The following IRAK3 variants were observed in gnomAD, a reference collection of about 807,000 sequenced individuals.
The protein encoded by IRAK3 is interleukin 1 receptor associated kinase 3.
Under a neutral mutation model 56.6 loss-of-function variants are expected in IRAK3, and 57 were observed. The ratio of observed to expected loss-of-function variants is 1.01; its 90% CI spans 0.81 to 1.26. IRAK3 has a LOEUF of 1.26. IRAK3 is among the 50% of genes most tolerant of loss of function. The probability of loss-of-function intolerance (pLI) is 0.00; values close to 1 mark genes in which losing one functional copy is unlikely to be tolerated. For synonymous variants in IRAK3, 258 were observed against 255.7 expected (o/e 1.01, Z -0.09); for missense variants, 703 against 719.0 (o/e 0.98, Z 0.25).
rs2052668454 is a variant in IRAK3 at position 66,215,790 on chromosome 12, A to AGGTGCGCGCGCGCG, written c.589-1381_589-1380insGGTGCGCGCGCGCG. ...CCCCCTATTTTAACCCAACATGCAC[A>AGGTGCGCGCGCGCG]CACACACACACACACACACACACAC... On this transcript the variant is annotated intron_variant, in intron 5 of 11. Coordinates refer to ENST00000261233, the MANE Select transcript of IRAK3 (RefSeq NM_007199.3). 6.3e-4 allele frequency among the ~76,000 whole-genome samples: 65 copies of AGGTGCGCGCGCGCG among 103,152 alleles called. 1 individual carries two copies. The highest frequency in any genetic ancestry group is 1.9e-3 in the African/African-American group (62 of 32,648). The allele number at this position is 103,152 out of a possible 152,430, so 67.7% of individuals were successfully genotyped here. A position where few individuals can be genotyped will look rare whatever the true frequency, so the allele number is the denominator to read the frequency against.
intron 6 of IRAK3, among the ~76,000 whole-genome samples, chr12:66,221,742 G>T (rs937324165): frequency 3.3e-5 from 5 of 152,096 alleles, no homozygotes; most frequent in African/African-American, 1.2e-4. Flanking sequence ...TTAATGTTCT[G>T]TTGAAGACTG....
chr12:66,199,724 A>G (rs1195986092), intron 1 of IRAK3, among the ~76,000 whole-genome samples: 4 of 152,202 alleles, frequency 2.6e-5, no homozygotes, highest in African/African-American at 9.7e-5. Flanking sequence ...AACTACACTG[A>G]TTTGCAGTAT....
rs868260845 is a variant in IRAK3, at chr12:66,245,165, A to G, written c.1217A>G (p.Lys406Arg). Reference protein sequence around the residue: ...LDSCLSFLDKKVPPCPRNFSA... With the variant: ...LDSCLSFLDKRVPPCPRNFSA... ...TCATGTCTCTCATTTCTAGATAAGA[A>G]AGTGCCTCCCTGCCCTCGGAATTTC... is the stretch of plus-strand genomic sequence containing the variant. Residue 406 changes from lysine (K) to arginine (R), a missense_variant, in exon 11 of 12, where the codon AAA becomes AGA. Transcript: ENST00000261233. 8 of 1,614,042 alleles carry G rather than the reference A, an allele frequency of 5.0e-6. No individual in the cohort carries two copies. The Admixed American group carries it at 6.7e-5, about 13-fold the overall frequency.
At chr12:66,232,495 T>C (rs1470006444) in intron 8 of IRAK3, among the ~76,000 whole-genome samples, 2 of 152,214 alleles carry the variant, frequency 1.3e-5, no homozygotes, top group African/African-American at 4.8e-5. Flanking sequence ...CTCTAGAAGC[T>C]GGAATGAAAC....
rs1020997122 is a variant in IRAK3 at position 66,253,908 on chromosome 12, C to A, written c.*5737C>A. On this transcript the variant is annotated 3_prime_UTR_variant, in exon 12 of 12. Transcript: ENST00000261233. ...GAATACAAACCAAAAACACTTTATT[C>A]AAGTCCAGGAAATATCTGCCTTGAA... 3.3e-5 allele frequency: 5 copies of A among 152,134 alleles called. No homozygotes were observed. The highest frequency in any genetic ancestry group is 1.2e-4 in the African/African-American group (5 of 41,428). The allele number at this position is 152,134 out of a possible 1,614,324, so 9.4% of individuals were successfully genotyped here. A position where few individuals can be genotyped will look rare whatever the true frequency, so the allele number is the denominator to read the frequency against.
intron 8 of IRAK3, 61 bp from the exon 9 acceptor site, chr12:66,244,425 T>G: frequency 3.2e-6 from 4 of 1,248,914 alleles, no homozygotes; most frequent in Non-Finnish European, 4.7e-6. Flanking sequence ...TATAGTATGT[T>G]TGTTTACACT....
In IRAK3 at chr12:66,211,429, C is replaced by T. The variant is rs777670257; in HGVS notation, c.437-17C>T. 6.4e-7 allele frequency: 1 copy of T among 1,563,678 alleles called. No homozygotes were observed. Among genetic ancestry groups the T allele is most frequent in the South Asian group, 1.1e-5 (1 of 89,742 alleles). ...CCTTCTTAGCTAACTTATCTTCCCC[C>T]TACTTTCCTTCCTAAGGAATACTGC... On this transcript the variant is annotated splice_polypyrimidine_tract_variant and intron_variant, in intron 4 of 11. Transcript: ENST00000261233.
intron 1 of IRAK3, chr12:66,197,943 A>G (rs1464331886): frequency 1.1e-5 from 11 of 985,262 alleles, no homozygotes; most frequent in Non-Finnish European, 1.1e-5. Context: ...AATGGAATTT[A>G]TGGAAAGTAT....
At chr12:66,198,830 A>G (rs1477721343) in intron 1 of IRAK3, among the ~76,000 whole-genome samples, 1 of 148,350 alleles carries the variant, frequency 6.7e-6, no homozygotes, top group Non-Finnish European at 1.5e-5. Flanking sequence ...ATCTTGGCTC[A>G]CTGTAGCTTC....
Position 66,217,169 on chromosome 12 carries a change from A to G in IRAK3, c.589-2A>G. ...TTTGTTCTTGTCTTTCTGTATATGT[A>G]GGAGAAAAAAATGCAGTGTAAGAAG... On this transcript the variant is annotated splice_acceptor_variant, in intron 5 of 11. Transcript: ENST00000261233. LOFTEE classifies it high-confidence loss of function. The G allele has an allele frequency of 1.2e-6, 2 of 1,601,196 alleles. No homozygotes were observed. The highest frequency in any genetic ancestry group is 1.7e-6 in the Non-Finnish European group (2 of 1,168,304).
At chr12:66,199,874 G>T (rs2052490336) in intron 1 of IRAK3, among the ~76,000 whole-genome samples, 1 of 152,064 alleles carries the variant, frequency 6.6e-6, no homozygotes, top group African/African-American at 2.4e-5. Flanking sequence ...GCTTTTTAAA[G>T]GCTTCCTTTT....
chr12:66,210,373 T>C (rs966657876), intron 4 of IRAK3, among the ~76,000 whole-genome samples, 172 bp downstream of exon 4: 1 of 152,200 alleles, frequency 6.6e-6, no homozygotes, highest in African/African-American at 2.4e-5. Context: ...ATAGTTCTAA[T>C]AGATGATATG....
In IRAK3 at chr12:66,251,896, A is replaced by G. The variant is rs1260167462; in HGVS notation, c.*3725A>G. The G allele has an allele frequency of 1.3e-5, 2 of 152,372 alleles. No individual in the cohort carries two copies. The highest frequency in any genetic ancestry group is 4.8e-5 in the African/African-American group (2 of 41,598). The allele number at this position is 152,372 out of a possible 1,614,324, so 9.4% of individuals were successfully genotyped here. On this transcript the variant is annotated 3_prime_UTR_variant, in exon 12 of 12. Transcript: ENST00000261233. ...CATCTGTTATTTGAACCACACACCA[A>G]TGCAACCGAAGTAAATGCTGAAAGG...
Position 66,247,692 on chromosome 12 carries a change from T to C in IRAK3, c.1315-3T>C. On this transcript the variant is annotated splice_region_variant and splice_polypyrimidine_tract_variant and intron_variant, in intron 11 of 11. Transcript: ENST00000261233. ...TAATGTCTGTTTGCTTCTTTGTTAT[T>C]AGGTTTTAAATACTCTTGAAAGTAC... The C allele has an allele frequency of 6.3e-7, 1 of 1,580,370 alleles. No homozygotes were observed. The highest frequency in any genetic ancestry group is 2.2e-5 in the East Asian group (1 of 44,716).
chr12:66,197,767 T>G, intron 1 of IRAK3: 1 of 985,444 alleles, frequency 1.0e-6, no homozygotes, highest in Non-Finnish European at 1.2e-6. Flanking sequence ...CCAGCTCATT[T>G]GGCATCTGTT....
At chr12:66,190,503 A>G (rs1458719115) in intron 1 of IRAK3, among the ~76,000 whole-genome samples, 2 of 152,214 alleles carry the variant, frequency 1.3e-5, no homozygotes, top group Non-Finnish European at 2.9e-5. Context: ...TGGCGTGGAC[A>G]GTATTTATAC....
At chr12:66,237,256 C>T (rs970566986) in intron 8 of IRAK3, among the ~76,000 whole-genome samples, 2 of 152,090 alleles carry the variant, frequency 1.3e-5, no homozygotes, top group African/African-American at 4.8e-5. Flanking sequence ...GTAATTATCC[C>T]CCCACAATGT....
At chr12:66,237,613 G>T (rs1216040381) in intron 8 of IRAK3, among the ~76,000 whole-genome samples, 1 of 152,218 alleles carries the variant, frequency 6.6e-6, no homozygotes, top group African/African-American at 2.4e-5. Context: ...AAGCGGTTTT[G>T]CATGGAACAA....
rs369718831 is a variant in IRAK3, at chr12:66,208,578, T to C, written c.317-878T>C. 3.5e-3 allele frequency among the ~76,000 whole-genome samples: 526 copies of C among 151,506 alleles called. 4 individuals are homozygous for C. Among genetic ancestry groups the C allele is most frequent in the African/African-American group, 0.012 (510 of 41,282 alleles). On this transcript the variant is annotated intron_variant, in intron 2 of 11. Transcript: ENST00000261233. ...GAGTTTGAGACCAACCTGGCCAACA[T>C]GGTGAAACCCTGTCTCTACTAAAAA... is the stretch of plus-strand genomic sequence containing the variant.
Sources: allele counts gnomAD v4.1 joint callset (sites outside exome capture counted in the v4.1 genomes callset), GRCh38; gene constraint gnomAD v4.1.1; transcripts MANE v1.5; gene names NCBI Gene and HGNC (gene_info 2026-07-23, HGNC 2026-07-21).